Variants in COL9A1 observed in about 807,000 individuals in gnomAD.
COL9A1 encodes the protein collagen alpha-1(IX) chain.
Under a neutral mutation model 142.6 loss-of-function variants are expected in COL9A1, and 104 were observed. The observed-to-expected ratio is 0.73, with a 90% CI of 0.62 to 0.86. COL9A1 has a LOEUF of 0.86. Among genes scored for constraint, COL9A1 ranks in the 40% least tolerant of loss-of-function variants. COL9A1 has a pLI of 0.00. For synonymous variants in COL9A1, 466 were observed against 396.0 expected (o/e 1.18, Z -2.10); for missense variants, 1,210 against 1,176.6 (o/e 1.03, Z -0.42).
chr6:70,238,152 C>G (rs1156678274), intron 33 of COL9A1, among the ~76,000 whole-genome samples: 5 of 152,008 alleles, frequency 3.3e-5, no homozygotes. Flanking sequence ...TTTAAAAAAT[C>G]TAGATGACAT....
At chr6:70,241,287 C>T (rs1770240237) in intron 31 of COL9A1, 132 bp downstream of exon 31, 3 of 781,840 alleles carry the variant, frequency 3.8e-6, no homozygotes, top group Non-Finnish European at 6.9e-6. Flanking sequence ...GTTTCACTCA[C>T]TATGAACACA....
At chr6:70,267,337 T>TTTTTTTTTTTTTTGG in intron 17 of COL9A1, among the ~76,000 whole-genome samples, 2 of 148,342 alleles carry the variant, frequency 1.3e-5, no homozygotes, top group East Asian at 1.9e-4. Flanking sequence ...GTTTTTTTTT[T>TTTTTTTTTTTTTTGG]TTGAGATGGA....
In COL9A1 at chr6:70,216,945, G is replaced by T. The variant is rs1279230028; in HGVS notation, c.2718C>A (p.Cys906Ter). ...ATGCTCGCTGACCAGCCTGCATGGT[G>T]CAGGAGGCTGGCTCACAGAAACCGG... Reference protein sequence around the residue: ...GLPGFCEPASCTMQAGQRAFN... With the variant: ...GLPGFCEPAS The change falls in exon 38 of 38, where the codon TGC becomes TGA. Residue 906 changes from cysteine (C) to a stop codon, truncating the protein, a stop_gained. Transcript: ENST00000357250. LOFTEE classifies it high-confidence loss of function. 9 of 1,614,052 alleles carry T rather than the reference G, an allele frequency of 5.6e-6. No homozygotes were observed. The highest frequency in any genetic ancestry group is 7.6e-6 in the Non-Finnish European group (9 of 1,180,042).
intron 10 of COL9A1, among the ~76,000 whole-genome samples, chr6:70,277,343 CA>C (rs200889718): frequency 1.7e-3 from 229 of 135,728 alleles, no homozygotes; most frequent in East Asian, 0.012. Flanking sequence ...GTCCATAAGC[CA>C]AAAAAAAAAA....
intron 25 of COL9A1, 134 bp from the exon 26 acceptor site, chr6:70,253,563 C>T (rs765765702): frequency 1.1e-5 from 8 of 696,782 alleles, no homozygotes; most frequent in African/African-American, 3.6e-5. Flanking sequence ...GAAGATGCTT[C>T]CTAGTTCCCA....
intron 19 of COL9A1, 36 bp from the exon 20 acceptor site, chr6:70,260,746 T>C (rs1374425338): frequency 6.2e-7 from 1 of 1,607,544 alleles, no homozygotes; most frequent in Non-Finnish European, 8.5e-7. Context: ...ATTATTTTAG[T>C]TGAAGCAAAG....
intron 28 of COL9A1, among the ~76,000 whole-genome samples, chr6:70,244,616 T>A (rs1021243818): frequency 1.3e-5 from 2 of 152,232 alleles, no homozygotes; most frequent in Non-Finnish European, 2.9e-5. Context: ...CATTCTCAAG[T>A]ATTCATTTCT....
chr6:70,254,653 T>G (rs370581684), intron 24 of COL9A1, 124 bp from the exon 25 acceptor site: 19 of 874,046 alleles, frequency 2.2e-5, no homozygotes, highest in South Asian at 5.8e-5. Context: ...TACATGCACT[T>G]TTATAAAGTG....
At chr6:70,241,909 A>G (rs894282103) in intron 30 of COL9A1, 55 bp downstream of exon 30, 2 of 1,459,234 alleles carry the variant, frequency 1.4e-6, no homozygotes, top group African/African-American at 1.4e-5. Flanking sequence ...GTTTCTCAAC[A>G]TGGTAGAAAT....
chr6:70,301,239 T>C (rs1218928644), intron 2 of COL9A1, among the ~76,000 whole-genome samples: 1 of 152,142 alleles, frequency 6.6e-6, no homozygotes, highest in East Asian at 1.9e-4. Context: ...AAGATTCATC[T>C]GACAACAGAG....
intron 31 of COL9A1, among the ~76,000 whole-genome samples, chr6:70,240,998 C>CT (rs1169724609): frequency 7.2e-5 from 11 of 152,132 alleles, no homozygotes; most frequent in African/African-American, 2.7e-4. Flanking sequence ...ATAATTGGCC[C>CT]TTGAAATAGG....
At chr6:70,287,844 A>G (rs1236735098) in intron 5 of COL9A1, among the ~76,000 whole-genome samples, 5 of 152,132 alleles carry the variant, frequency 3.3e-5, no homozygotes, top group Non-Finnish European at 7.4e-5. Flanking sequence ...GTCCTCTCCT[A>G]TATTACAGAT....
Position 70,263,229 on chromosome 6 carries a change from T to A in COL9A1, c.1395+15A>T, listed in dbSNP as rs545565719. ...TTACATATCCTAGTTAAATATTTTT[T>A]AAAAAATACTTTACTGGAGGTCCTT... On this transcript the variant is annotated intron_variant, in intron 19 of 37. Coordinates refer to ENST00000357250, the MANE Select transcript of COL9A1 (RefSeq NM_001851.6). 5.1e-6 allele frequency: 8 copies of A among 1,583,432 alleles called. No homozygotes were observed. The highest frequency in any genetic ancestry group is 1.4e-5 in the African/African-American group (1 of 73,448).
intron 28 of COL9A1, among the ~76,000 whole-genome samples, chr6:70,244,581 G>A (rs1270254322): frequency 6.6e-6 from 1 of 152,162 alleles, no homozygotes; most frequent in Non-Finnish European, 1.5e-5. Flanking sequence ...GTTAATATCA[G>A]AAGGGGAAAT....
At chr6:70,290,886 T>A (rs1773633601) in intron 5 of COL9A1, among the ~76,000 whole-genome samples, 1 of 152,158 alleles carries the variant, frequency 6.6e-6, no homozygotes, top group Non-Finnish European at 1.5e-5. Context: ...TTTTATGGTA[T>A]TTTTATGCTA....
intron 37 of COL9A1, among the ~76,000 whole-genome samples, chr6:70,217,373 C>A (rs1050207547): frequency 5.3e-5 from 8 of 152,050 alleles, no homozygotes; most frequent in African/African-American, 1.4e-4. Flanking sequence ...GCCACAGGTG[C>A]CTATTGAGAG....
chr6:70,271,039 T>A (rs144533364), intron 14 of COL9A1, among the ~76,000 whole-genome samples: 1 of 152,240 alleles, frequency 6.6e-6, no homozygotes, highest in African/African-American at 2.4e-5. Flanking sequence ...CATTTCATAT[T>A]CATTCACTTG....
At chr6:70,299,006 C>A (rs1209041264) in intron 4 of COL9A1, among the ~76,000 whole-genome samples, 1 of 151,722 alleles carries the variant, frequency 6.6e-6, no homozygotes, top group East Asian at 1.9e-4. Flanking sequence ...TTGGGGATCC[C>A]TGATTTAAGA....
chr6:70,222,077 T>C (rs764312897), intron 37 of COL9A1, among the ~76,000 whole-genome samples: 49 of 152,338 alleles, frequency 3.2e-4, no homozygotes, highest in African/African-American at 4.6e-4. Flanking sequence ...TTTGGGAACA[T>C]AGACTCAGGA....
Sources: allele counts gnomAD v4.1 joint callset (sites outside exome capture counted in the v4.1 genomes callset), GRCh38; gene constraint gnomAD v4.1.1; transcripts MANE v1.5; gene names NCBI Gene and HGNC (gene_info 2026-07-23, HGNC 2026-07-21).